The following PTPRA variants were observed in gnomAD, a reference collection of about 807,000 sequenced individuals.
PTPRA encodes the protein protein tyrosine phosphatase receptor type A, also known as receptor-type tyrosine-protein phosphatase alpha.
In PTPRA, 25 loss-of-function variants were observed where a neutral mutation model predicts 104.8. The ratio of observed to expected loss-of-function variants is 0.24; its 90% CI spans 0.17 to 0.33. The LOEUF (loss-of-function observed/expected upper bound fraction) is 0.33. Ranked by LOEUF, PTPRA falls within the 10% of genes least tolerant of loss-of-function variation. The pLI, the probability that PTPRA is intolerant of heterozygous loss-of-function variation, is 1.00. For missense variants in PTPRA, 765 were observed against 1,015.3 expected, an observed-to-expected ratio of 0.75 and a Z score of 3.35; for synonymous variants, 323 against 368.9, an observed-to-expected ratio of 0.88 and a Z score of 1.43.
At chr20:3,027,471 CT>C (rs937913927) in intron 19 of PTPRA, among the ~76,000 whole-genome samples, 47 of 152,362 alleles carry the variant, frequency 3.1e-4, no homozygotes, top group Admixed American at 3.1e-3. Context: ...TGGCTGCCCC[CT>C]GATCTTTCCC....
chr20:2,925,569 T>A (rs892860292), intron 2 of PTPRA, among the ~76,000 whole-genome samples: 3 of 152,160 alleles, frequency 2.0e-5, no homozygotes, highest in Non-Finnish European at 2.9e-5. Flanking sequence ...ATCCCAGCAC[T>A]TTGGGAGGCC....
At position 3,037,921 on chromosome 20, in the gene PTPRA, C is replaced by T. The variant is rs1430033369; in HGVS notation, c.2335-138C>T. 17 of 714,902 alleles carry T rather than the reference C, an allele frequency of 2.4e-5. No homozygotes were observed. The East Asian group carries it at 4.0e-4, about 17-fold the overall frequency. 44.3% of individuals were successfully genotyped at this position (714,902 alleles called of 1,614,324 possible). A position where few individuals can be genotyped will look rare whatever the true frequency, so the allele number is the denominator to read the frequency against. ...GCTGTCAGAACTCTGGCAGGCAGAT[C>T]AGAGCTCAGGTGAAAGTTCAAAAAC... On this transcript the variant is annotated intron_variant, in intron 23 of 23. Transcript: ENST00000399903. This position sits in a 1 kb window ranked among gnomAD's most constrained non-coding sequence, Gnocchi z 4.3.
At chr20:2,928,495 CTT>C (rs1272679697) in intron 2 of PTPRA, among the ~76,000 whole-genome samples, 1 of 152,176 alleles carries the variant, frequency 6.6e-6, no homozygotes, top group Non-Finnish European at 1.5e-5. Context: ...TTCCTCAAAA[CTT>C]TGAAGTCATT....
intron 3 of PTPRA, among the ~76,000 whole-genome samples, chr20:2,956,192 A>C (rs73581762): frequency 6.6e-6 from 1 of 152,124 alleles, no homozygotes; most frequent in East Asian, 1.9e-4. Flanking sequence ...CCTTACTTCA[A>C]ACCCCACCAG....
rs1162232625 is a variant in PTPRA, at chr20:2,873,544, T to TCGGA, written c.-343_-340dup. 3 of 151,352 alleles carry TCGGA rather than the reference T, an allele frequency of 2.0e-5. No homozygotes were observed. Among genetic ancestry groups the TCGGA allele is most frequent in the Non-Finnish European group, 4.4e-5 (3 of 67,680 alleles). The allele number at this position is 151,352 out of a possible 1,614,324, so 9.4% of individuals were successfully genotyped here. ...GAGACGCGCGCGCGCGCGATCGCGC[T>TCGGA]CGGACCCCGGCCGCTGCCGCCATCA... On this transcript the variant is annotated 5_prime_UTR_variant, in exon 1 of 24. Coordinates refer to ENST00000399903, the MANE Select transcript of PTPRA (RefSeq NM_001385305.1). The surrounding 1 kb of genome is among the most constrained non-coding windows in gnomAD (Gnocchi z 4.4).
upstream of PTPRA, among the ~76,000 whole-genome samples, chr20:2,870,059 A>G (rs963839635): frequency 3.6e-5 from 4 of 110,016 alleles, no homozygotes; most frequent in Non-Finnish European, 5.3e-5. Flanking sequence ...TCTTAGATAC[A>G]AAGTTCCAGT....
At chr20:2,910,585 TTTTGTTTTTTTTTTG>T (rs1389069486) in intron 1 of PTPRA, among the ~76,000 whole-genome samples, 1 of 98,822 alleles carries the variant, frequency 1.0e-5, no homozygotes. Context: ...CTAGTTTTTT[TTTTGTTTTTTTTTTG>T]TTTTTTTTAA....
intron 6 of PTPRA, among the ~76,000 whole-genome samples, chr20:2,982,091 CTTT>C (rs11475103): frequency 8.1e-5 from 11 of 136,578 alleles, no homozygotes; most frequent in Admixed American, 7.3e-5. Context: ...TCTTCTTCTT[CTTT>C]TTTTTTTTTT....
At chr20:2,948,256 CA>C (rs2061212324) in intron 3 of PTPRA, among the ~76,000 whole-genome samples, 2 of 152,174 alleles carry the variant, frequency 1.3e-5, no homozygotes, top group Non-Finnish European at 1.5e-5. Flanking sequence ...CAATAGGCTC[CA>C]AAAAATTCTG....
intron 20 of PTPRA, among the ~76,000 whole-genome samples, chr20:3,032,569 C>CAGCCTGGCCA (rs1394600797): frequency 6.6e-6 from 1 of 150,880 alleles, no homozygotes; most frequent in Non-Finnish European, 1.5e-5. Context: ...AGATCGAGAC[C>CAGCCTGGCCA]AGCCTGGCCA....
chr20:3,011,442 G>A (rs983217397), intron 11 of PTPRA, among the ~76,000 whole-genome samples: 1 of 152,190 alleles, frequency 6.6e-6, no homozygotes, highest in Non-Finnish European at 1.5e-5. Context: ...TGTGCTACGT[G>A]TGCAAAGGAG....
the PTPRA span, chr20:2,864,457 C>T: frequency 3.1e-6 from 5 of 1,613,984 alleles, no homozygotes; most frequent in African/African-American, 1.3e-5. This position sits in a 1 kb window ranked among gnomAD's most constrained non-coding sequence, Gnocchi z 5.2. Context: ...CAGTTTGTAC[C>T]GACAGGTGTG....
At position 3,021,373 on chromosome 20, in the gene PTPRA, T is replaced by C. The variant is rs149458139; in HGVS notation, c.1106T>C (p.Val369Ala). ...ACCTATGGGAATATTCGGGTGTCTG[T>C]AGAGGATGTGACTGTCCTGGTGGAC... ...CWTYGNIRVS[V>A]EDVTVLVDYT... is the part of the protein sequence containing the mutation. Residue 369 changes from valine (V) to alanine (A), a missense_variant, in exon 14 of 24, where the codon GTA (valine) becomes GCA (alanine). Transcript: ENST00000399903. 2.5e-6 allele frequency: 4 copies of C among 1,614,130 alleles called. No individual in the cohort carries two copies. The African/African-American group carries it at 4.0e-5, about 16-fold the overall frequency.
rs566663794 is a variant in PTPRA at position 3,000,861 on chromosome 20, T to C, written c.739-4195T>C. Among the ~76,000 whole-genome samples, 3 of 152,286 alleles carry C rather than the reference T, an allele frequency of 2.0e-5. No homozygotes were observed. The East Asian group carries it at 5.8e-4, about 29-fold the overall frequency. ...AATATGAGATACAAATAAAGGAATG[T>C]AATGATAATTATAAAACTTCAGGTT... On this transcript the variant is annotated intron_variant, in intron 9 of 23. Coordinates refer to ENST00000399903, the MANE Select transcript of PTPRA (RefSeq NM_001385305.1).
At chr20:2,866,402 A>G in the PTPRA span, 3 of 1,614,100 alleles carry the variant, frequency 1.9e-6, no homozygotes, top group Non-Finnish European at 2.5e-6. Context: ...CAGCCCCAAC[A>G]CCACCTCCTC....
chr20:2,904,172 T>C (rs968868455), intron 1 of PTPRA, among the ~76,000 whole-genome samples: 2 of 152,158 alleles, frequency 1.3e-5, no homozygotes, highest in African/African-American at 4.8e-5. Context: ...TTTGGCCTTA[T>C]AAAGTGCTGG....
chr20:2,926,769 C>CTTTTTTTTTTTTTTTTTTT (rs777386962), intron 2 of PTPRA, among the ~76,000 whole-genome samples: 260 of 85,042 alleles, frequency 3.1e-3, no homozygotes, highest in Middle Eastern at 0.011. Flanking sequence ...TTTCCTTTTC[C>CTTTTTTTTTTTTTTTTTTT]TTTTTTTTTT....
chr20:2,948,590 C>T (rs955883391), intron 3 of PTPRA, among the ~76,000 whole-genome samples: 1 of 152,160 alleles, frequency 6.6e-6, no homozygotes, highest in Non-Finnish European at 1.5e-5. Flanking sequence ...CCTGGGCCCT[C>T]AGGACTGCTG....
At chr20:3,005,810 T>TA (rs2063841346) in intron 10 of PTPRA, among the ~76,000 whole-genome samples, 1 of 152,140 alleles carries the variant, frequency 6.6e-6, no homozygotes, top group African/African-American at 2.4e-5. Flanking sequence ...AAAGAAATTC[T>TA]AATGCAGAGT....
Sources: gnomAD v4.1 joint callset for allele counts (sites outside exome capture counted in the v4.1 genomes callset) on GRCh38, gnomAD v4.1.1 for gene constraint, Gnocchi (gnomAD v3.1) non-coding constraint, MANE v1.5 for transcripts, NCBI Gene and HGNC (gene_info 2026-07-23, HGNC 2026-07-21) for gene names.